The following ARHGAP28 variants were observed in gnomAD, a reference collection of about 807,000 sequenced individuals.
The protein encoded by ARHGAP28 is rho GTPase-activating protein 28.
Under a neutral mutation model 90.7 loss-of-function variants are expected in ARHGAP28, and 56 were observed. That is an observed-to-expected ratio of 0.62 (90% confidence interval 0.50 to 0.77). The LOEUF is 0.77. ARHGAP28 is among the 30% of genes least tolerant of loss of function. ARHGAP28 has a pLI of 0.00. For synonymous variants in ARHGAP28, 308 were observed against 323.3 expected (o/e 0.95, Z 0.51); for missense variants, 869 against 900.9 (o/e 0.96, Z 0.45).
chr18:6,908,590 T>C (rs1011088304), intron 16 of ARHGAP28, among the ~76,000 whole-genome samples: 2 of 152,180 alleles, frequency 1.3e-5, no homozygotes, highest in African/African-American at 2.4e-5. Flanking sequence ...TTCTTTTGGA[T>C]TGAGAGTAAT....
intron 1 of ARHGAP28, among the ~76,000 whole-genome samples, chr18:6,811,390 C>T (rs190544393): frequency 1.4e-4 from 22 of 152,238 alleles, no homozygotes; most frequent in African/African-American, 4.8e-4. Flanking sequence ...TTGAATTTGC[C>T]GATTGTCATG....
At chr18:6,841,167 CCTCTCTCTCTCTCCTCTCT>C (rs1264103419) in intron 3 of ARHGAP28, among the ~76,000 whole-genome samples, 10 of 79,992 alleles carry the variant, frequency 1.3e-4, no homozygotes, top group South Asian at 3.9e-4. Flanking sequence ...TTCTCTCTCT[CCTCTCTCTCTCTCCTCTCT>C]CTCTCTCTCT....
At chr18:6,783,093 C>A (rs2056338106) in intron 1 of ARHGAP28, among the ~76,000 whole-genome samples, 1 of 152,148 alleles carries the variant, frequency 6.6e-6, no homozygotes, top group Admixed American at 6.5e-5. Context: ...GTGTTCTTCA[C>A]TTTCTGAGCT....
intron 1 of ARHGAP28, among the ~76,000 whole-genome samples, chr18:6,818,681 A>T (rs1468149067): frequency 6.6e-6 from 1 of 152,206 alleles, no homozygotes; most frequent in African/African-American, 2.4e-5. Context: ...AAGCTGAATG[A>T]TGAGAGGCAT....
intron 1 of ARHGAP28, among the ~76,000 whole-genome samples, chr18:6,762,702 A>C (rs1271054196): frequency 6.6e-6 from 1 of 152,066 alleles, no homozygotes; most frequent in Non-Finnish European, 1.5e-5. Flanking sequence ...CATGAAGAGA[A>C]GATTAGGACA....
At chr18:6,744,197 G>A (rs764524663) in intron 1 of ARHGAP28, among the ~76,000 whole-genome samples, 5 of 152,194 alleles carry the variant, frequency 3.3e-5, no homozygotes, top group Non-Finnish European at 7.3e-5. Flanking sequence ...GATTTTAAGA[G>A]TTGGAAGAGT....
intron 1 of ARHGAP28, among the ~76,000 whole-genome samples, chr18:6,819,649 C>T (rs1444107999): frequency 6.6e-6 from 1 of 152,180 alleles, no homozygotes; most frequent in Non-Finnish European, 1.5e-5. Context: ...AACAACTCTG[C>T]CCCTTGGGAT....
chr18:6,808,501 G>C (rs1488442635), intron 1 of ARHGAP28, among the ~76,000 whole-genome samples: 1 of 152,006 alleles, frequency 6.6e-6, no homozygotes, highest in African/African-American at 2.4e-5. Context: ...TCAATTTCAA[G>C]TGGTCAAGTC....
intron 1 of ARHGAP28, among the ~76,000 whole-genome samples, chr18:6,774,430 C>G (rs989857633): frequency 6.6e-6 from 1 of 152,138 alleles, no homozygotes; most frequent in African/African-American, 2.4e-5. Context: ...TTTTTAACCT[C>G]TCACAGCAGA....
intron 3 of ARHGAP28, among the ~76,000 whole-genome samples, chr18:6,850,480 G>A (rs1463557644): frequency 1.3e-5 from 2 of 152,224 alleles, no homozygotes; most frequent in African/African-American, 4.8e-5. Flanking sequence ...TGGTATGGCT[G>A]CCCTGGCAGT....
chr18:6,729,989 T>TA, intron 1 of ARHGAP28, 46 bp downstream of exon 1: 1 of 1,303,798 alleles, frequency 7.7e-7, no homozygotes, highest in Non-Finnish European at 9.7e-7. Context: ...GCGCTGGGCT[T>TA]GGGGGGTTCG....
At chr18:6,808,912 A>T (rs764894296) in intron 1 of ARHGAP28, among the ~76,000 whole-genome samples, 1 of 152,234 alleles carries the variant, frequency 6.6e-6, no homozygotes, top group African/African-American at 2.4e-5. Context: ...CCTGATGGGC[A>T]TTCAGCCAGA....
At chr18:6,857,523 G>A (rs768647055) in intron 4 of ARHGAP28, among the ~76,000 whole-genome samples, 10 of 152,190 alleles carry the variant, frequency 6.6e-5, no homozygotes, top group African/African-American at 1.7e-4. Context: ...CACGCCTCCC[G>A]CTGGGTGGCA....
chr18:6,756,863 C>G (rs1045139279), intron 1 of ARHGAP28, among the ~76,000 whole-genome samples: 2 of 152,158 alleles, frequency 1.3e-5, no homozygotes, highest in Non-Finnish European at 2.9e-5. Flanking sequence ...ATGAAGACCA[C>G]AAGACTCTGC....
At chr18:6,839,377 T>G (rs1324188450) in intron 3 of ARHGAP28, among the ~76,000 whole-genome samples, 11 of 149,502 alleles carry the variant, frequency 7.4e-5, no homozygotes, top group Admixed American at 1.4e-4. Context: ...CACTGCAAGC[T>G]CCGCCTCCCG....
intron 2 of ARHGAP28, among the ~76,000 whole-genome samples, chr18:6,828,027 C>T (rs1314854182): frequency 2.4e-4 from 37 of 152,032 alleles, no homozygotes; most frequent in South Asian, 1.7e-3. Flanking sequence ...TGTAGCGAGC[C>T]GAGATCACGC....
At chr18:6,733,285 A>G (rs184472925) in intron 1 of ARHGAP28, among the ~76,000 whole-genome samples, 1 of 152,222 alleles carries the variant, frequency 6.6e-6, no homozygotes, top group East Asian at 1.9e-4. Flanking sequence ...TAATATATAG[A>G]TTATCCTTTG....
At chr18:6,903,163 T>C (rs752130762) in intron 16 of ARHGAP28, among the ~76,000 whole-genome samples, 8 of 152,128 alleles carry the variant, frequency 5.3e-5, no homozygotes, top group Non-Finnish European at 1.0e-4. Context: ...AAATGGGGAA[T>C]TATTGTTTAA....
At chr18:6,875,393 C>T (rs1393991871) in intron 9 of ARHGAP28, among the ~76,000 whole-genome samples, 1 of 152,178 alleles carries the variant, frequency 6.6e-6, no homozygotes, top group Non-Finnish European at 1.5e-5. Context: ...CATCCACCAT[C>T]ATTTCTTGAA....
Sources: allele counts gnomAD v4.1 joint callset (sites outside exome capture counted in the v4.1 genomes callset), GRCh38; gene constraint gnomAD v4.1.1; transcripts MANE v1.5; gene names NCBI Gene and HGNC (gene_info 2026-07-23, HGNC 2026-07-21).